The following MEI4 variants were observed in gnomAD, a reference collection of about 807,000 sequenced individuals.
The protein encoded by MEI4 is meiotic double-stranded break formation protein 4, also known as meiosis-specific protein MEI4.
MEI4 carries 27 observed loss-of-function variants against 31.4 expected under a neutral mutation model. The observed-to-expected ratio is 0.86, with a 90% CI of 0.63 to 1.19. MEI4 has a LOEUF of 1.19. Ranked by LOEUF, MEI4 falls within the 50% of genes most tolerant of loss-of-function variation. The pLI is 0.00. For missense variants in MEI4, 329 were observed against 398.9 expected (o/e 0.82, Z 1.49); for synonymous variants, 122 against 145.4 (o/e 0.84, Z 1.16).
intron 4 of MEI4, among the ~76,000 whole-genome samples, chr6:77,897,066 A>G (rs1372258521): frequency 1.3e-5 from 2 of 151,954 alleles, no homozygotes; most frequent in Admixed American, 1.3e-4. Flanking sequence ...ATTATTTCCA[A>G]GTTTTAGATG....
At chr6:77,790,737 T>A (rs1047333237) in intron 3 of MEI4, among the ~76,000 whole-genome samples, 1 of 152,086 alleles carries the variant, frequency 6.6e-6, no homozygotes, top group Non-Finnish European at 1.5e-5. Context: ...GTATCTTTTC[T>A]CAAATATATT....
At chr6:77,771,596 A>G (rs1455466834) in intron 3 of MEI4, among the ~76,000 whole-genome samples, 1 of 152,202 alleles carries the variant, frequency 6.6e-6, no homozygotes, top group African/African-American at 2.4e-5. Flanking sequence ...ACTGTGGAAT[A>G]CTATGCAGTC....
At chr6:77,833,982 A>G (rs187890927) in intron 4 of MEI4, among the ~76,000 whole-genome samples, 52 of 152,318 alleles carry the variant, frequency 3.4e-4, no homozygotes, top group Non-Finnish European at 2.4e-4. Context: ...TTATGGCTGC[A>G]TAGTATTCCA....
In MEI4 at chr6:77,730,839, C is replaced by T. The variant is rs565444381; in HGVS notation, c.233-30291C>T. On this transcript the variant is annotated intron_variant, in intron 2 of 4. Coordinates refer to ENST00000684080, the MANE Select transcript of MEI4 (RefSeq NM_001322247.2). ...TCCCCTTCCTGTGTCCCTGTGTTCT[C>T]ATTGTTCAATTCCCGCCTATGAGTG... 7.5e-5 allele frequency among the ~76,000 whole-genome samples: 11 copies of T among 145,780 alleles called. No individual in the cohort carries two copies. In the South Asian group the frequency reaches 1.1e-3, roughly 14 times the overall value.
At chr6:77,804,317 G>T (rs1769368988) in intron 3 of MEI4, among the ~76,000 whole-genome samples, 1 of 152,194 alleles carries the variant, frequency 6.6e-6, no homozygotes, top group Non-Finnish European at 1.5e-5. Context: ...GCAGTATTAG[G>T]GTGGGAGTGA....
chr6:77,738,901 G>A (rs181528031), intron 2 of MEI4, among the ~76,000 whole-genome samples: 1 of 152,148 alleles, frequency 6.6e-6, no homozygotes, highest in Admixed American at 6.5e-5. Flanking sequence ...TTTGAAAAGT[G>A]TCTGTTCATA....
chr6:77,910,238 C>T (rs145658473), intron 4 of MEI4, among the ~76,000 whole-genome samples: 21,843 of 151,870 alleles, frequency 0.14, 1,845 homozygotes, highest in East Asian at 0.39. Context: ...AAATAAAGGG[C>T]ATTCAATTAG....
At chr6:77,739,946 A>T (rs1424932676) in intron 2 of MEI4, among the ~76,000 whole-genome samples, 1 of 151,954 alleles carries the variant, frequency 6.6e-6, no homozygotes. Context: ...TAATGCTATA[A>T]TTTTTCCTCC....
chr6:77,702,465 T>C (rs886441119), intron 2 of MEI4, among the ~76,000 whole-genome samples: 2 of 152,190 alleles, frequency 1.3e-5, no homozygotes, highest in African/African-American at 4.8e-5. Flanking sequence ...ATAATACACA[T>C]AAACATAAAA....
chr6:77,796,944 A>G (rs1223004496), intron 3 of MEI4, among the ~76,000 whole-genome samples: 1 of 152,178 alleles, frequency 6.6e-6, no homozygotes, highest in African/African-American at 2.4e-5. Flanking sequence ...ACTATATCAT[A>G]AAAAGTGATA....
chr6:77,754,346 G>T (rs1052770526), intron 2 of MEI4, among the ~76,000 whole-genome samples: 10 of 152,266 alleles, frequency 6.6e-5, no homozygotes, highest in Admixed American at 2.6e-4. Flanking sequence ...CAGTCTCTTT[G>T]CTAAAGCATA....
intron 3 of MEI4, among the ~76,000 whole-genome samples, chr6:77,801,798 T>A (rs1158483904): frequency 6.6e-6 from 1 of 152,254 alleles, no homozygotes; most frequent in African/African-American, 2.4e-5. Context: ...AGTGAGTTTC[T>A]GAATCCTGAG....
At chr6:77,766,644 C>T (rs1015357244) in intron 3 of MEI4, among the ~76,000 whole-genome samples, 10 of 152,092 alleles carry the variant, frequency 6.6e-5, no homozygotes, top group African/African-American at 2.4e-4. Flanking sequence ...GATCTCCTGA[C>T]CTCGTGATCC....
chr6:77,913,980 G>A (rs1359027234), intron 4 of MEI4, among the ~76,000 whole-genome samples: 1 of 148,214 alleles, frequency 6.7e-6, no homozygotes, highest in Admixed American at 6.8e-5. Context: ...CTTGCAGTGA[G>A]CCAAGATCAT....
intron 4 of MEI4, among the ~76,000 whole-genome samples, chr6:77,914,584 T>G (rs930111614): frequency 2.0e-5 from 3 of 152,150 alleles, no homozygotes; most frequent in African/African-American, 7.2e-5. Flanking sequence ...AAGTGTCTGT[T>G]AGGTCCATTT....
At chr6:77,797,092 G>A (rs953582925) in intron 3 of MEI4, among the ~76,000 whole-genome samples, 4 of 152,150 alleles carry the variant, frequency 2.6e-5, no homozygotes, top group Non-Finnish European at 5.9e-5. Context: ...AATGGTTAAA[G>A]GATAGTCTCT....
chr6:77,836,462 C>T (rs1704645492), intron 4 of MEI4, among the ~76,000 whole-genome samples: 1 of 152,194 alleles, frequency 6.6e-6, no homozygotes, highest in African/African-American at 2.4e-5. Flanking sequence ...GGAGAAATCT[C>T]AAAAGTTCTG....
intron 4 of MEI4, among the ~76,000 whole-genome samples, chr6:77,905,095 T>C (rs1043349481): frequency 2.0e-5 from 3 of 152,162 alleles, no homozygotes; most frequent in African/African-American, 7.2e-5. Context: ...TGATAAACTC[T>C]CTCACTTTTG....
intron 4 of MEI4, among the ~76,000 whole-genome samples, chr6:77,854,475 C>T (rs1227533024): frequency 2.0e-5 from 3 of 147,682 alleles, no homozygotes; most frequent in Non-Finnish European, 4.5e-5. Context: ...TTCCATGGTA[C>T]TATGTACATC....
Sources: gnomAD v4.1 joint callset for allele counts (sites outside exome capture counted in the v4.1 genomes callset) on GRCh38, gnomAD v4.1.1 for gene constraint, MANE v1.5 for transcripts, NCBI Gene and HGNC (gene_info 2026-07-23, HGNC 2026-07-21) for gene names.